Variants in PTPRG observed in about 807,000 individuals in gnomAD.
PTPRG encodes the protein protein tyrosine phosphatase receptor type G.
In PTPRG, 102 loss-of-function variants were observed where a neutral mutation model predicts 165.3. The ratio of observed to expected loss-of-function variants is 0.62; its 90% CI spans 0.53 to 0.73. PTPRG has a LOEUF of 0.73. Ranked by LOEUF, PTPRG falls within the 30% of genes least tolerant of loss-of-function variation. The pLI is 0.00. For synonymous variants in PTPRG, 675 were observed against 669.5 expected, an observed-to-expected ratio of 1.01 and a Z score of -0.13; for missense variants, 1,866 against 1,861.4, an observed-to-expected ratio of 1.00 and a Z score of -0.05.
At chr3:62,069,684 T>TCTGACACA (rs542306888) in intron 4 of PTPRG, among the ~76,000 whole-genome samples, 1 of 144,962 alleles carries the variant, frequency 6.9e-6, no homozygotes, top group African/African-American at 2.6e-5. Context: ...TCTCTCTCTC[T>TCTGACACA]CACACACAGA....
rs144838854 is a variant in PTPRG, at chr3:62,065,624, G to C, written c.520-12539G>C. Among the ~76,000 whole-genome samples, 79 of 152,226 alleles carry C rather than the reference G, an allele frequency of 5.2e-4. 1 individual carries two copies. Among genetic ancestry groups the C allele is most frequent in the African/African-American group, 1.9e-3 (78 of 41,520 alleles). On this transcript the variant is annotated intron_variant, in intron 4 of 29. Transcript: ENST00000474889. The stretch of plus-strand genomic sequence containing the variant: ...AAAAATCCCGGTGGAGCAATGCAAC[G>C]TATTTTCTCCTGTGTGGGAAATAAC...
chr3:61,620,125 C>T (rs1049210247), intron 1 of PTPRG, among the ~76,000 whole-genome samples: 1 of 152,026 alleles, frequency 6.6e-6, no homozygotes, highest in Non-Finnish European at 1.5e-5. Flanking sequence ...AATGATGGCA[C>T]TTCTGATTTT....
intron 1 of PTPRG, among the ~76,000 whole-genome samples, chr3:61,704,332 A>G (rs2031137552): frequency 3.9e-5 from 6 of 152,148 alleles, no homozygotes; most frequent in Admixed American, 3.9e-4. Context: ...CTTGGGCACT[A>G]TTGGACACTT....
At chr3:62,077,997 C>CAAAAA (rs56828286) in intron 4 of PTPRG, among the ~76,000 whole-genome samples, 166 bp from the exon 5 acceptor site, 1 of 94,362 alleles carries the variant, frequency 1.1e-5, no homozygotes. Context: ...GACCTTATCT[C>CAAAAA]AAAAAAAAAA....
At chr3:61,929,925 T>C (rs984713157) in intron 2 of PTPRG, among the ~76,000 whole-genome samples, 1 of 152,194 alleles carries the variant, frequency 6.6e-6, no homozygotes, top group Non-Finnish European at 1.5e-5. Flanking sequence ...ATAAAGGACA[T>C]TGAATTGTCA....
intron 26 of PTPRG, among the ~76,000 whole-genome samples, chr3:62,280,920 A>G (rs1702408185): frequency 6.6e-6 from 1 of 152,066 alleles, no homozygotes; most frequent in Non-Finnish European, 1.5e-5. Flanking sequence ...GAACAAGTTT[A>G]GAGATCTCAT....
intron 6 of PTPRG, among the ~76,000 whole-genome samples, chr3:62,152,714 G>A (rs1300255077): frequency 6.6e-6 from 1 of 152,194 alleles, no homozygotes; most frequent in African/African-American, 2.4e-5. Context: ...TATTGCTCGT[G>A]TTAATTCTGT....
Position 62,073,539 on chromosome 3 carries a change from C to T in PTPRG, c.520-4624C>T, listed in dbSNP as rs560510138. Among the ~76,000 whole-genome samples the T allele has an allele frequency of 3.3e-5, 5 of 151,898 alleles. No homozygotes were observed. In the South Asian group the frequency reaches 8.4e-4, roughly 25 times the overall value. ...TGTTGCCGAGGCTGGAGTGCAGTGG[C>T]GCAATCTCGGCTCACCACAACCTCC... On this transcript the variant is annotated intron_variant, in intron 4 of 29. Coordinates refer to ENST00000474889, the MANE Select transcript of PTPRG (RefSeq NM_002841.4).
chr3:62,161,534 G>A (rs114558703), intron 7 of PTPRG, among the ~76,000 whole-genome samples: 1,721 of 152,286 alleles, frequency 0.011, 13 homozygotes, highest in Middle Eastern at 0.037. Context: ...AATTCAGAAC[G>A]TTTCTATTTC....
At position 62,281,537 on chromosome 3, in the gene PTPRG, G is replaced by GTTTTTTTTTTTTTTTTTTTT. The variant is rs778994257; in HGVS notation, c.3766-26_3766-25insTTTTTTTTTTTTTTTTTTTT. 19 of 175,014 alleles carry GTTTTTTTTTTTTTTTTTTTT rather than the reference G, an allele frequency of 1.1e-4. 1 individual carries two copies. The highest frequency in any genetic ancestry group is 2.7e-4 in the Admixed American group (1 of 3,740). The allele number at this position is 175,014 out of a possible 1,614,324, so 10.8% of individuals were successfully genotyped here. On this transcript the variant is annotated intron_variant, in intron 26 of 29. Transcript: ENST00000474889. ...ACAAATCCTTGACAGAACTGCAGAG[G>GTTTTTTTTTTTTTTTTTTTT]CTTTTTTTTTTTTTGGATTCCAAAG...
At chr3:61,721,946 C>A (rs951667963) in intron 1 of PTPRG, among the ~76,000 whole-genome samples, 4 of 152,108 alleles carry the variant, frequency 2.6e-5, no homozygotes, top group Admixed American at 2.0e-4. Flanking sequence ...GAGTGGTTCT[C>A]CTTAGTATGG....
At chr3:62,074,180 A>AGTGTGTGTGTGTGTGT (rs140019903) in intron 4 of PTPRG, among the ~76,000 whole-genome samples, 4 of 143,596 alleles carry the variant, frequency 2.8e-5, no homozygotes, top group African/African-American at 1.1e-4. Context: ...AAAAAGTGAG[A>AGTGTGTGTGTGTGTGT]GTGTGTGTGT....
chr3:61,639,224 A>G (rs1180100170), intron 1 of PTPRG, among the ~76,000 whole-genome samples: 1 of 152,030 alleles, frequency 6.6e-6, no homozygotes, highest in Non-Finnish European at 1.5e-5. Context: ...CTATCAATGT[A>G]TGGCTTTATT....
intron 5 of PTPRG, among the ~76,000 whole-genome samples, chr3:62,118,813 A>G (rs2106881839): frequency 6.6e-6 from 1 of 152,304 alleles, no homozygotes; most frequent in East Asian, 1.9e-4. Flanking sequence ...CAGAGTGATT[A>G]AAGTCACTTA....
intron 1 of PTPRG, among the ~76,000 whole-genome samples, chr3:61,679,390 A>G (rs1270034017): frequency 6.6e-6 from 1 of 152,160 alleles, no homozygotes; most frequent in Non-Finnish European, 1.5e-5. Context: ...GGTACCAGAA[A>G]TTTAGCAGCC....
At chr3:61,809,026 TTTTTC>T (rs1367351709) in intron 2 of PTPRG, among the ~76,000 whole-genome samples, 1 of 150,010 alleles carries the variant, frequency 6.7e-6, no homozygotes, top group Non-Finnish European at 1.5e-5. Context: ...TTGCCACATT[TTTTTC>T]TTTTCTTGTA....
intron 4 of PTPRG, among the ~76,000 whole-genome samples, chr3:62,070,827 C>T (rs968527604): frequency 1.3e-5 from 2 of 152,036 alleles, no homozygotes; most frequent in African/African-American, 4.8e-5. Flanking sequence ...TCCACCACCA[C>T]GTTCCCACTG....
At chr3:61,795,368 C>T (rs2035012165) in intron 2 of PTPRG, among the ~76,000 whole-genome samples, 1 of 151,990 alleles carries the variant, frequency 6.6e-6, no homozygotes, top group African/African-American at 2.4e-5. Context: ...ATAGGCCGGG[C>T]ATGATGGCTC....
chr3:62,027,795 T>G (rs1197243606), intron 4 of PTPRG, among the ~76,000 whole-genome samples: 1 of 152,180 alleles, frequency 6.6e-6, no homozygotes, highest in African/African-American at 2.4e-5. Context: ...ATTTGCTAAA[T>G]GATCACCCAG....
Sources: allele counts gnomAD v4.1 joint callset (sites outside exome capture counted in the v4.1 genomes callset), GRCh38; gene constraint gnomAD v4.1.1; transcripts MANE v1.5; gene names NCBI Gene and HGNC (gene_info 2026-07-23, HGNC 2026-07-21).